Variants in LRRFIP2 observed in about 807,000 individuals in gnomAD.
LRRFIP2 encodes the protein leucine-rich repeat flightless-interacting protein 2.
A neutral mutation model predicts 125.9 loss-of-function variants in LRRFIP2; 109 were observed. That is an observed-to-expected ratio of 0.87 (90% CI 0.74 to 1.01). The LOEUF (loss-of-function observed/expected upper bound fraction) is 1.01. LRRFIP2 is among the 50% of genes least tolerant of loss of function. The probability of loss-of-function intolerance (pLI) is 0.00; values close to 1 mark genes in which losing one functional copy is unlikely to be tolerated. For missense variants in LRRFIP2, 850 were observed against 862.3 expected (o/e 0.99, Z 0.18); for synonymous variants, 291 against 293.1 (o/e 0.99, Z 0.07).
At chr3:37,136,333 C>A (rs1266316602) in intron 2 of LRRFIP2, among the ~76,000 whole-genome samples, 1 of 152,014 alleles carries the variant, frequency 6.6e-6, no homozygotes, top group Non-Finnish European at 1.5e-5. Flanking sequence ...TCTTTTTGGG[C>A]TGATGAAATG....
At chr3:37,150,635 C>G (rs1018049886) in intron 1 of LRRFIP2, among the ~76,000 whole-genome samples, 1 of 152,098 alleles carries the variant, frequency 6.6e-6, no homozygotes, top group Non-Finnish European at 1.5e-5. Flanking sequence ...TGAAAGAATG[C>G]AACCCAAATT....
intron 3 of LRRFIP2, among the ~76,000 whole-genome samples, chr3:37,128,593 G>A (rs1050014830): frequency 9.2e-5 from 14 of 152,012 alleles, no homozygotes; most frequent in African/African-American, 2.7e-4. Flanking sequence ...ACTGGTTTTT[G>A]TAATATAAAA....
At chr3:37,076,965 A>G (rs2092133840) in intron 19 of LRRFIP2, among the ~76,000 whole-genome samples, 1 of 152,238 alleles carries the variant, frequency 6.6e-6, no homozygotes, top group Admixed American at 6.5e-5. Context: ...AAATAGAAAT[A>G]GCTCTGAATA....
At chr3:37,065,109 T>G (rs575985824) in intron 23 of LRRFIP2, 3 of 144,660 alleles carry the variant, frequency 2.1e-5, no homozygotes, top group African/African-American at 5.0e-5. Context: ...AAAAAAATTG[T>G]TTTTTTTTAA....
In LRRFIP2 at chr3:37,094,760, T is replaced by C. The variant is rs189540165; in HGVS notation, c.1035+32A>G. ...GTATATTACCAAGTCAAAAAACTGCTTTTAAAAAGAAAACCAAAAACTTCA... is the reference window on the plus strand; with the variant it reads ...GTATATTACCAAGTCAAAAAACTGCCTTTAAAAAGAAAACCAAAAACTTCA... On this transcript the variant is annotated intron_variant, in intron 17 of 27. Coordinates refer to ENST00000336686, the MANE Select transcript of LRRFIP2 (RefSeq NM_006309.4). 119 of 1,468,290 alleles carry C rather than the reference T, an allele frequency of 8.1e-5. No homozygotes were observed. In the African/African-American group the frequency reaches 1.0e-3, roughly 13 times the overall value. The allele number at this position is 1,468,290 out of a possible 1,614,324, so 91.0% of individuals were successfully genotyped here. A position where few individuals can be genotyped will look rare whatever the true frequency, so the allele number is the denominator to read the frequency against.
intron 1 of LRRFIP2, among the ~76,000 whole-genome samples, chr3:37,167,653 CA>C (rs533367910): frequency 0.011 from 823 of 74,350 alleles, 4 homozygotes; most frequent in African/African-American, 0.03. Context: ...CACTCTGTCT[CA>C]AAAAAAAAAA....
chr3:37,117,248 A>C (rs747896931), intron 6 of LRRFIP2, among the ~76,000 whole-genome samples: 26 of 152,078 alleles, frequency 1.7e-4, no homozygotes, highest in Non-Finnish European at 3.4e-4. Flanking sequence ...CTTTCCTCTT[A>C]TCATCCTCTC....
At chr3:37,061,221 G>A (rs752702297) in intron 24 of LRRFIP2, among the ~76,000 whole-genome samples, 2 of 151,950 alleles carry the variant, frequency 1.3e-5, no homozygotes, top group Non-Finnish European at 2.9e-5. Context: ...GCTCATGCCT[G>A]TAATCCCAGC....
At chr3:37,123,011 A>AT (rs2095121288) in intron 4 of LRRFIP2, among the ~76,000 whole-genome samples, 1 of 152,194 alleles carries the variant, frequency 6.6e-6, no homozygotes, top group African/African-American at 2.4e-5. Flanking sequence ...TCAATGCTGT[A>AT]TTTTTGCAAA....
chr3:37,073,492 T>G (rs2091590377), intron 20 of LRRFIP2, among the ~76,000 whole-genome samples: 1 of 152,222 alleles, frequency 6.6e-6, no homozygotes, highest in African/African-American at 2.4e-5. Flanking sequence ...TATGCATTAT[T>G]GGTAAATTAT....
chr3:37,162,699 C>A (rs554917869), intron 1 of LRRFIP2, among the ~76,000 whole-genome samples: 57 of 152,220 alleles, frequency 3.7e-4, no homozygotes, highest in African/African-American at 1.2e-3. Context: ...CAAAAGGGAA[C>A]CTCCAGAAGA....
chr3:37,155,639 A>G (rs1196418134), intron 1 of LRRFIP2, among the ~76,000 whole-genome samples: 1 of 152,216 alleles, frequency 6.6e-6, no homozygotes, highest in Non-Finnish European at 1.5e-5. Flanking sequence ...AGATCATTAA[A>G]TGTTCTATTT....
chr3:37,091,259 G>A (rs2093420436), intron 18 of LRRFIP2, among the ~76,000 whole-genome samples: 1 of 151,972 alleles, frequency 6.6e-6, no homozygotes, highest in Non-Finnish European at 1.5e-5. Context: ...GATATCTTCT[G>A]CGGAATATTC....
chr3:37,123,034 C>G (rs2095122882), intron 4 of LRRFIP2, among the ~76,000 whole-genome samples: 1 of 152,210 alleles, frequency 6.6e-6, no homozygotes, highest in Non-Finnish European at 1.5e-5. Flanking sequence ...GAATCAATGC[C>G]TCAAAACTCC....
At chr3:37,126,624 C>T (rs1027260469) in intron 4 of LRRFIP2, among the ~76,000 whole-genome samples, 34 of 151,520 alleles carry the variant, frequency 2.2e-4, no homozygotes, top group African/African-American at 7.5e-4. Context: ...TTTGAGAGGC[C>T]GAGGCGGGCG....
intron 1 of LRRFIP2, among the ~76,000 whole-genome samples, chr3:37,165,418 T>C (rs971739384): frequency 8.8e-6 from 1 of 114,052 alleles, no homozygotes; most frequent in Non-Finnish European, 1.6e-5. Context: ...AACTGAATCC[T>C]GGTGCCAAAA....
Position 37,053,950 on chromosome 3 carries a change from T to G in LRRFIP2, c.2067A>C (p.Ala689=). 6.2e-7 allele frequency: 1 copy of G among 1,609,344 alleles called. No homozygotes were observed. Among genetic ancestry groups the G allele is most frequent in the Non-Finnish European group, 8.5e-7 (1 of 1,175,626 alleles). ...TCTCCATCTCCTCAATCTTGTCCAG[T>G]GCTGTTCGTAACTGGAGACAGGGAG... The part of the protein sequence containing the change: ...KRKLQRELRT[A]LDKIEEMEMT... The change falls in exon 28 of 28, where the codon GCA becomes GCC. Residue 689 remains alanine, a synonymous_variant. Transcript: ENST00000336686.
At chr3:37,169,014 T>C (rs1342923985) in intron 1 of LRRFIP2, among the ~76,000 whole-genome samples, 1 of 152,212 alleles carries the variant, frequency 6.6e-6, no homozygotes, top group African/African-American at 2.4e-5. Flanking sequence ...TTTACCACTG[T>C]GTTATAATTG....
chr3:37,165,665 T>C (rs1333903680), intron 1 of LRRFIP2, among the ~76,000 whole-genome samples: 3 of 151,426 alleles, frequency 2.0e-5, no homozygotes, highest in East Asian at 2.0e-4. Flanking sequence ...GGCCAGAGAA[T>C]TGCTCGAACC....
Sources: allele counts gnomAD v4.1 joint callset (sites outside exome capture counted in the v4.1 genomes callset), GRCh38; gene constraint gnomAD v4.1.1; transcripts MANE v1.5; gene names NCBI Gene and HGNC (gene_info 2026-07-23, HGNC 2026-07-21).